Variants in FAT2 observed in about 807,000 individuals in gnomAD.
FAT2 encodes the protein FAT atypical cadherin 2.
A neutral mutation model predicts 295.3 loss-of-function variants in FAT2; 150 were observed. The observed-to-expected ratio is 0.51, with a 90% confidence interval of 0.44 to 0.58. The LOEUF (loss-of-function observed/expected upper bound fraction) is 0.58, where lower values mean the gene tolerates loss of function less well. Ranked by LOEUF, FAT2 falls within the 20% of genes least tolerant of loss-of-function variation. FAT2 has a pLI of 0.00. For missense variants in FAT2, 4,868 were observed against 5,442.7 expected (o/e 0.89, Z 3.32); for synonymous variants, 2,026 against 2,150.3 (o/e 0.94, Z 1.60).
intron 9 of FAT2, among the ~76,000 whole-genome samples, chr5:151,546,948 A>G (rs1756699156): frequency 6.6e-6 from 1 of 152,148 alleles, no homozygotes; most frequent in African/African-American, 2.4e-5. Flanking sequence ...CTGAGCAAAT[A>G]TCTTTGCCCC....
At chr5:151,561,204 G>A (rs539843044) in intron 3 of FAT2, among the ~76,000 whole-genome samples, 1 of 152,324 alleles carries the variant, frequency 6.6e-6, no homozygotes, top group Admixed American at 6.5e-5. Flanking sequence ...GACAAAAGGA[G>A]AGAAGAGTCC....
At position 151,534,560 on chromosome 5, in the gene FAT2, G is replaced by T; in HGVS notation, c.9276C>A (p.Gly3092=). 2 of 1,614,040 alleles carry T rather than the reference G, an allele frequency of 1.2e-6. No homozygotes were observed. The highest frequency in any genetic ancestry group is 2.2e-5 in the South Asian group (2 of 91,042). The change falls in exon 13 of 24, where the codon GGC becomes GGA. Residue 3092 remains glycine (G), a synonymous_variant. Transcript: ENST00000261800. ...NLVAKATDGG[G]RSCQADITLH... Reference sequence around the variant, plus strand: ...GGGTGATGTCTGCCTGGCACGATCGGCCACCTCCATCCGTCGCCTTGGCAA... The same window carrying T: ...GGGTGATGTCTGCCTGGCACGATCGTCCACCTCCATCCGTCGCCTTGGCAA...
At chr5:151,519,485 G>A (rs1455321330) in intron 19 of FAT2, among the ~76,000 whole-genome samples, 2 of 152,208 alleles carry the variant, frequency 1.3e-5, no homozygotes, top group African/African-American at 2.4e-5. Flanking sequence ...ATCAGCTGGA[G>A]AATCTTTATG....
rs925114873 is a variant in FAT2, at chr5:151,504,548, G to A, written c.*1017C>T. The A allele has an allele frequency of 2.6e-5, 4 of 152,726 alleles. No individual in the cohort carries two copies. Among genetic ancestry groups the A allele is most frequent in the African/African-American group, 9.6e-5 (4 of 41,472 alleles). The allele number at this position is 152,726 out of a possible 1,614,324, so 9.5% of individuals were successfully genotyped here. A position where few individuals can be genotyped will look rare whatever the true frequency, so the allele number is the denominator to read the frequency against. On this transcript the variant is annotated 3_prime_UTR_variant, in exon 24 of 24. Transcript: ENST00000261800. ...CTGCAATGGAGAGGAGGCAATGGCA[G>A]GTGTCCAGCCTGGACACTGCGGTCC...
chr5:151,569,658 C>A (rs957679167), intron 1 of FAT2, among the ~76,000 whole-genome samples: 4 of 115,244 alleles, frequency 3.5e-5, no homozygotes, highest in Admixed American at 1.7e-4. Context: ...AGAACACAGT[C>A]CTGAACTCTT....
chr5:151,545,337 A>G lies in FAT2; in HGVS notation c.5790T>C (p.Pro1930=). The G allele has an allele frequency of 6.2e-7, 1 of 1,614,194 alleles. No homozygotes were observed. The highest frequency in any genetic ancestry group is 8.5e-7 in the Non-Finnish European group (1 of 1,180,026). ...PVTGSISVLN[P]AFLGLSRKLT... ...GCTTCCGAGAGAGTCCCAGGAAAGC[A>G]GGATTCAGCACAGATATGCTACCAG... The change falls in exon 10 of 24, where the codon CCT becomes CCC. Residue 1930 remains proline (P), a synonymous_variant. Coordinates refer to ENST00000261800, the MANE Select transcript of FAT2 (RefSeq NM_001447.3).
Position 151,545,275 on chromosome 5 carries a change from G to A in FAT2, c.5852C>T (p.Thr1951Ile). 6.2e-7 allele frequency: 1 copy of A among 1,614,160 alleles called. No individual in the cohort carries two copies. The highest frequency in any genetic ancestry group is 8.5e-7 in the Non-Finnish European group (1 of 1,180,024). The change falls in exon 10 of 24, where the codon ACT (threonine) becomes ATT (isoleucine). Residue 1951 changes from threonine to isoleucine, a missense_variant. By Grantham distance (89) the Thr-to-Ile change is moderately conservative. Around this residue, in one of 5 missense-constraint regions of FAT2, gnomAD observed 3,297 missense variants for 3,669.4 expected, o/e 0.90. Coordinates refer to ENST00000261800, the MANE Select transcript of FAT2 (RefSeq NM_001447.3). Reference protein sequence around the residue: ...IRASDGLYQDTALVKISLTQV... With the variant: ...IRASDGLYQDIALVKISLTQV... ...GGTCAAAGAAATTTTTACCAGCGCA[G>A]TGTCTTGATACAAGCCATCAGAAGC...
chr5:151,547,001 T>C (rs1291909051), intron 9 of FAT2, among the ~76,000 whole-genome samples: 1 of 152,224 alleles, frequency 6.6e-6, no homozygotes, highest in Non-Finnish European at 1.5e-5. Context: ...ACATCACCTT[T>C]ATAATTTTTT....
chr5:151,574,358 T>C (rs542294944), intron 1 of FAT2, among the ~76,000 whole-genome samples: 107 of 152,294 alleles, frequency 7.0e-4, no homozygotes, highest in African/African-American at 2.5e-3. Flanking sequence ...GCCCCAGGTG[T>C]TCAGTGCTAA....
chr5:151,551,523 A>C lies in FAT2; in HGVS notation c.4240T>G (p.Ser1414Ala), dbSNP rs1757212350. The C allele has an allele frequency of 1.9e-6, 3 of 1,614,108 alleles. No homozygotes were observed. The highest frequency in any genetic ancestry group is 2.5e-6 in the Non-Finnish European group (3 of 1,180,012). ...ACCTCAACAGTCAAGTTATAGTTCG[A>C]CCTTCTCCTGGTATCAAGAGGCCTG... is the stretch of plus-strand genomic sequence containing the variant. The part of the protein sequence containing the change: ...IARPLDTRRR[S>A]NYNLTVEVTD... Residue 1414 changes from serine to alanine, a missense_variant, in exon 7 of 24, where the codon TCG (serine) becomes GCG (alanine). Ser to Ala is a moderately conservative substitution (Grantham distance 99). Transcript: ENST00000261800.
At chr5:151,594,503 G>C (rs1038341339), upstream of FAT2, among the ~76,000 whole-genome samples, 2 of 152,196 alleles carry the variant, frequency 1.3e-5, no homozygotes, top group Admixed American at 1.3e-4. Context: ...GGACCTCAGC[G>C]TCCCTCTTTC....
chr5:151,562,968 C>T (rs1758084073), intron 3 of FAT2, among the ~76,000 whole-genome samples: 1 of 152,120 alleles, frequency 6.6e-6, no homozygotes, highest in African/African-American at 2.4e-5. Flanking sequence ...AGGTTGGGAC[C>T]ACTTGGAGGT....
chr5:151,522,723 GAGA>G (rs1217251525), intron 18 of FAT2, among the ~76,000 whole-genome samples: 7 of 152,224 alleles, frequency 4.6e-5, no homozygotes, highest in African/African-American at 7.2e-5. Context: ...CCTGAGGGAT[GAGA>G]AGAAGAGGCG....
At position 151,542,389 on chromosome 5, in the gene FAT2, C is replaced by T. The variant is rs753494359; in HGVS notation, c.8738G>A (p.Gly2913Glu). 1.2e-6 allele frequency: 2 copies of T among 1,614,170 alleles called. No homozygotes were observed. Among genetic ancestry groups the T allele is most frequent in the Non-Finnish European group, 8.5e-7 (1 of 1,180,032 alleles). ...APRFASEEYR[G>E]SVVENSEPGE... Reference sequence around the variant, plus strand: ...AGGCTCACTGTTCTCAACCACAGATCCTCTGTACTCTTCAGAAGCAAATCG... The same window carrying T: ...AGGCTCACTGTTCTCAACCACAGATTCTCTGTACTCTTCAGAAGCAAATCG... The change falls in exon 10 of 24, where the codon GGA (glycine) becomes GAA (glutamate). Residue 2913 changes from glycine to glutamate, a missense_variant. By Grantham distance (98) the Gly-to-Glu change is moderately conservative (BLOSUM62 -2). Coordinates refer to ENST00000261800, the MANE Select transcript of FAT2 (RefSeq NM_001447.3).
chr5:151,528,572 G>A (rs958125880), intron 15 of FAT2, among the ~76,000 whole-genome samples: 50 of 152,280 alleles, frequency 3.3e-4, no homozygotes, highest in South Asian at 4.2e-4. Context: ...CAATCCAGGA[G>A]AGGAAATACT....
At chr5:151,529,104 G>T in intron 15 of FAT2, 74 bp downstream of exon 15, 4 of 1,253,548 alleles carry the variant, frequency 3.2e-6, no homozygotes, top group South Asian at 1.2e-5. Flanking sequence ...CTCATAGATG[G>T]CTGGGTGTGG....
chr5:151,548,925 A>C (rs6890712), intron 9 of FAT2, among the ~76,000 whole-genome samples: 76,866 of 152,054 alleles, frequency 0.51, 20,710 homozygotes, highest in Non-Finnish European at 0.62. Context: ...GAAAATAAAA[A>C]TTACTTCTAA....
Position 151,521,603 on chromosome 5 carries a change from C to A in FAT2, c.10990G>T (p.Ala3664Ser), listed in dbSNP as rs1243317923. 2.5e-6 allele frequency: 4 copies of A among 1,614,202 alleles called. No homozygotes were observed. The highest frequency in any genetic ancestry group is 2.2e-5 in the East Asian group (1 of 44,878). Residue 3664 changes from alanine to serine, a missense_variant, in exon 19 of 24, where the codon GCT (alanine) becomes TCT (serine). Physicochemically the swap from Ala to Ser is moderately conservative, Grantham distance 99 (BLOSUM62 1). Around this residue, in one of 5 missense-constraint regions of FAT2, gnomAD observed 1,046 missense variants for 1,210.1 expected, o/e 0.86. Transcript: ENST00000261800. The part of the protein sequence containing the change: ...FLSHKLDIKR[A>S]NIHLASLQPA... ...TGGAGGCTGGCCAAGTGAATGTTAG[C>A]CCGTTTGATGTCCAGCTTATGGCTG... is the stretch of plus-strand genomic sequence containing the variant.
In FAT2 at chr5:151,554,439, C is replaced by G. The variant is rs2127630526; in HGVS notation, c.3868G>C (p.Ala1290Pro). 6.2e-7 allele frequency: 1 copy of G among 1,614,202 alleles called. No individual in the cohort carries two copies. Among genetic ancestry groups the G allele is most frequent in the Non-Finnish European group, 8.5e-7 (1 of 1,180,040 alleles). ...TYSIEDSDEEAFSIDLVTGVV... is the reference protein window; with the variant it reads ...TYSIEDSDEEPFSIDLVTGVV... ...CCTGTGACCAGGTCGATACTGAAGG[C>G]CTCCTCATCGCTGTCCTCGATACTG... Residue 1290 changes from alanine to proline, a missense_variant, in exon 5 of 24, where the codon GCC (alanine) becomes CCC (proline). Physicochemically the swap from Ala to Pro is conservative, Grantham distance 27. Transcript: ENST00000261800.
Sources: allele counts gnomAD v4.1 joint callset (sites outside exome capture counted in the v4.1 genomes callset), GRCh38; gene constraint gnomAD v4.1.1; regional missense constraint gnomAD v4.1.1; transcripts MANE v1.5; gene names NCBI Gene and HGNC (gene_info 2026-07-23, HGNC 2026-07-21).